The following UBE2E2 variants were observed in gnomAD, a reference collection of about 807,000 sequenced individuals.
UBE2E2 encodes ubiquitin conjugating enzyme E2 E2.
A neutral mutation model predicts 24.7 loss-of-function variants in UBE2E2; 6 were observed. The observed-to-expected ratio is 0.24, with a 90% CI of 0.13 to 0.48. The LOEUF (loss-of-function observed/expected upper bound fraction) is 0.48. UBE2E2 is among the 20% of genes least tolerant of loss of function. UBE2E2 has a pLI of 0.99. For missense variants in UBE2E2, 169 were observed against 245.0 expected (o/e 0.69, Z 2.07); for synonymous variants, 104 against 83.6 (o/e 1.24, Z -1.33).
Position 23,384,264 on chromosome 3 carries a change from C to A in UBE2E2, c.228-115344C>A, listed in dbSNP as rs1280586022. Among the ~76,000 whole-genome samples the A allele has an allele frequency of 2.6e-5, 4 of 152,088 alleles. No individual in the cohort carries two copies. In the South Asian group the frequency reaches 8.3e-4, roughly 32 times the overall value. The stretch of plus-strand genomic sequence containing the variant: ...TACAGCCTCGACCTCCTGGGCTCAA[C>A]CAGTCCTCCTGCCTCAGCCTCCCGA... On this transcript the variant is annotated intron_variant, in intron 3 of 5. Coordinates refer to ENST00000396703, the MANE Select transcript of UBE2E2 (RefSeq NM_152653.4).
intron 3 of UBE2E2, among the ~76,000 whole-genome samples, chr3:23,455,963 A>G (rs1371409145): frequency 6.6e-6 from 1 of 152,222 alleles, no homozygotes. Context: ...CCCACAATGT[A>G]ACTTCTTTCA....
At chr3:23,434,001 T>C (rs986031871) in intron 3 of UBE2E2, among the ~76,000 whole-genome samples, 1 of 152,148 alleles carries the variant, frequency 6.6e-6, no homozygotes, top group African/African-American at 2.4e-5. Flanking sequence ...AAACCCATTT[T>C]ATTTGAACAT....
rs564517690 is a variant in UBE2E2, at chr3:23,298,817, A to G, written c.227+81505A>G. Reference sequence around the variant, plus strand: ...GCTGGCCTCATAAAATGAGTTAGGGAGGATTCCCTCTTTTTCTATTGATTG... The same window carrying G: ...GCTGGCCTCATAAAATGAGTTAGGGGGGATTCCCTCTTTTTCTATTGATTG... On this transcript the variant is annotated intron_variant, in intron 3 of 5. Transcript: ENST00000396703. 2.0e-5 allele frequency among the ~76,000 whole-genome samples: 3 copies of G among 152,210 alleles called. No homozygotes were observed. In the East Asian group the frequency reaches 5.8e-4, roughly 29 times the overall value.
At chr3:23,423,342 G>C (rs1282616206) in intron 3 of UBE2E2, among the ~76,000 whole-genome samples, 1 of 152,140 alleles carries the variant, frequency 6.6e-6, no homozygotes, top group African/African-American at 2.4e-5. Flanking sequence ...AAAAGTCCTT[G>C]AGTGGGATTA....
chr3:23,204,818 CAT>C, intron 1 of UBE2E2: 8 of 918,148 alleles, frequency 8.7e-6, no homozygotes, highest in Non-Finnish European at 1.0e-5. Context: ...AGTTTAGAAA[CAT>C]GAGTAGGAAG....
At chr3:23,230,809 A>G (rs923052755) in intron 3 of UBE2E2, among the ~76,000 whole-genome samples, 10 of 151,504 alleles carry the variant, frequency 6.6e-5, no homozygotes, top group Admixed American at 3.3e-4. Context: ...AAAAAAAAAA[A>G]GAGTTGGATT....
chr3:23,409,395 A>T (rs1005845106), intron 3 of UBE2E2, among the ~76,000 whole-genome samples: 6 of 152,206 alleles, frequency 3.9e-5, no homozygotes, highest in Non-Finnish European at 8.8e-5. Context: ...TACAAAGAAC[A>T]TAGGAACCCT....
At position 23,400,732 on chromosome 3, in the gene UBE2E2, G is replaced by T. The variant is rs142175868; in HGVS notation, c.228-98876G>T. On this transcript the variant is annotated intron_variant, in intron 3 of 5. Coordinates refer to ENST00000396703, the MANE Select transcript of UBE2E2 (RefSeq NM_152653.4). ...CCACATTCCCTATCAAATTACAGTA[G>T]CCTTTAAAGCTTCAAATTCACTTTT... 6.5e-4 allele frequency among the ~76,000 whole-genome samples: 99 copies of T among 151,804 alleles called. 5 individuals carry two copies. The East Asian group carries it at 0.016, about 24-fold the overall frequency.
intron 3 of UBE2E2, among the ~76,000 whole-genome samples, chr3:23,352,913 C>A (rs545442075): frequency 6.6e-6 from 1 of 152,124 alleles, no homozygotes; most frequent in African/African-American, 2.4e-5. Context: ...ATACCAAAGC[C>A]GGGCAGAGAC....
intron 3 of UBE2E2, among the ~76,000 whole-genome samples, chr3:23,366,978 T>C (rs1196559979): frequency 6.6e-6 from 1 of 152,164 alleles, no homozygotes; most frequent in Admixed American, 6.6e-5. Context: ...TACAAAAAAA[T>C]AGTAAATTGC....
chr3:23,217,445 T>C, intron 3 of UBE2E2, 133 bp downstream of exon 3: 1 of 803,574 alleles, frequency 1.2e-6, no homozygotes, highest in South Asian at 1.6e-5. Context: ...CTTAAGTGAC[T>C]GTGGAAGACA....
intron 5 of UBE2E2, among the ~76,000 whole-genome samples, chr3:23,555,662 A>C (rs1695759458): frequency 6.6e-6 from 1 of 152,214 alleles, no homozygotes; most frequent in Admixed American, 6.5e-5. Flanking sequence ...ACATACATAC[A>C]TACATAAACA....
At chr3:23,512,622 T>G (rs986694784) in intron 4 of UBE2E2, among the ~76,000 whole-genome samples, 1 of 151,998 alleles carries the variant, frequency 6.6e-6, no homozygotes, top group Non-Finnish European at 1.5e-5. Context: ...TTAAATAAGA[T>G]TTTTTGTTTG....
chr3:23,513,319 A>G (rs1379782342), intron 4 of UBE2E2, among the ~76,000 whole-genome samples: 1 of 152,150 alleles, frequency 6.6e-6, no homozygotes, highest in Non-Finnish European at 1.5e-5. Flanking sequence ...CATTCCCGTT[A>G]CCTTCCCAAA....
chr3:23,394,750 C>G (rs1455689538), intron 3 of UBE2E2, among the ~76,000 whole-genome samples: 1 of 152,130 alleles, frequency 6.6e-6, no homozygotes, highest in Non-Finnish European at 1.5e-5. Flanking sequence ...AAGGAGTGGT[C>G]CAGGTAAACA....
chr3:23,238,649 AT>A (rs1389037711), intron 3 of UBE2E2, among the ~76,000 whole-genome samples: 1 of 152,278 alleles, frequency 6.6e-6, no homozygotes, highest in Middle Eastern at 3.4e-3. Flanking sequence ...CAGAATTTGA[AT>A]TTTGGAATAT....
chr3:23,222,554 CT>C (rs1696683548), intron 3 of UBE2E2, among the ~76,000 whole-genome samples: 1 of 152,128 alleles, frequency 6.6e-6, no homozygotes, highest in South Asian at 2.1e-4. Flanking sequence ...TTTTACTTGG[CT>C]CTCATTCTTC....
chr3:23,590,008 TCTCTC>T lies in UBE2E2; in HGVS notation c.*179_*183del. The T allele has an allele frequency of 1.8e-6, 1 of 551,864 alleles. No homozygotes were observed. 34.2% of individuals were successfully genotyped at this position (551,864 alleles called of 1,614,324 possible). On this transcript the variant is annotated 3_prime_UTR_variant, in exon 6 of 6. Transcript: ENST00000396703. ...TCCCAGTTCTTCCTGCCCCCCTTCCTCTCTCCCACGCTCTCTTTTATCTCTCATTT... is the reference window on the plus strand; with the variant it reads ...TCCCAGTTCTTCCTGCCCCCCTTCCTCCACGCTCTCTTTTATCTCTCATTT...
intron 5 of UBE2E2, among the ~76,000 whole-genome samples, chr3:23,545,732 A>G (rs1695507594): frequency 6.6e-6 from 1 of 152,192 alleles, no homozygotes; most frequent in African/African-American, 2.4e-5. Flanking sequence ...TCACAGCGCA[A>G]TTGACAATCG....
Sources: gnomAD v4.1 joint callset for allele counts (sites outside exome capture counted in the v4.1 genomes callset) on GRCh38, gnomAD v4.1.1 for gene constraint, MANE v1.5 for transcripts, NCBI Gene and HGNC (gene_info 2026-07-23, HGNC 2026-07-21) for gene names.